The following COL18A1 variants were observed in gnomAD, a reference collection of about 807,000 sequenced individuals.
The protein encoded by COL18A1 is collagen type XVIII alpha 1 chain.
Under a neutral mutation model 168.0 loss-of-function variants are expected in COL18A1, and 133 were observed. The observed-to-expected ratio is 0.79, with a 90% CI of 0.69 to 0.91. The LOEUF (loss-of-function observed/expected upper bound fraction) is 0.91. Among genes scored for constraint, COL18A1 ranks in the 40% least tolerant of loss-of-function variants. COL18A1 has a pLI of 0.00. For missense variants in COL18A1, 2,126 were observed against 1,925.4 expected, an observed-to-expected ratio of 1.10 and a Z score of -1.95; for synonymous variants, 949 against 809.0, an observed-to-expected ratio of 1.17 and a Z score of -2.94.
intron 32 of COL18A1, among the ~76,000 whole-genome samples, chr21:45,500,765 GGT>G (rs369596042): frequency 3.2e-3 from 11 of 3,428 alleles, no homozygotes; most frequent in Admixed American, 8.4e-3. Flanking sequence ...GGTGTGGTTT[GGT>G]GTGTGTGTGT....
intron 2 of COL18A1, among the ~76,000 whole-genome samples, chr21:45,461,401 C>A (rs185057598): frequency 4.1e-4 from 62 of 152,058 alleles, no homozygotes; most frequent in African/African-American, 1.4e-3. Context: ...AGTGGGGTGG[C>A]AGCTGTGCCC....
At chr21:45,439,493 C>T (rs149165442) in intron 2 of COL18A1, among the ~76,000 whole-genome samples, 3,493 of 152,376 alleles carry the variant, frequency 0.023, 56 homozygotes, top group Middle Eastern at 0.061. Flanking sequence ...AAACCAAGAG[C>T]AAAGTGAACT....
rs1158033492 is a variant in COL18A1 at position 45,507,598 on chromosome 21, G to A, written c.3249+5G>A. On this transcript the variant is annotated splice_donor_5th_base_variant and intron_variant, in intron 38 of 41. Coordinates refer to ENST00000651438, the MANE Select transcript of COL18A1 (RefSeq NM_001379500.1). ...ACACCACTCCCACGAGGGACGGTAA[G>A]GAGCCTTTTTTCTGTTGAGACTGGT... The A allele has an allele frequency of 1.1e-5, 18 of 1,613,050 alleles. No individual in the cohort carries two copies. The Middle Eastern group carries it at 5.0e-4, about 44-fold the overall frequency.
intron 2 of COL18A1, among the ~76,000 whole-genome samples, chr21:45,406,552 A>G (rs1412303610): frequency 6.6e-6 from 1 of 152,148 alleles, no homozygotes; most frequent in African/African-American, 2.4e-5. Flanking sequence ...TAGGGGGTGA[A>G]ACACGGGCGG....
At chr21:45,433,376 T>A (rs2034015861) in intron 2 of COL18A1, among the ~76,000 whole-genome samples, 1 of 152,126 alleles carries the variant, frequency 6.6e-6, no homozygotes, top group Non-Finnish European at 1.5e-5. Context: ...TCCATGAGAG[T>A]GGAGCCCGGG....
At chr21:45,434,085 G>GAT (rs1332904563) in intron 2 of COL18A1, among the ~76,000 whole-genome samples, 33 of 152,290 alleles carry the variant, frequency 2.2e-4, no homozygotes, top group Admixed American at 3.3e-4. Context: ...GCATGGGCCA[G>GAT]GTGTGTGAGC....
In COL18A1 at chr21:45,415,901, G is replaced by T. The variant is rs575863276; in HGVS notation, c.106+10428G>T. Reference sequence around the variant, plus strand: ...TGCCAAGCAGGCCCTCAGCCCTGAGGGTACTTGCCGGGGGCCGGGAGAGTG... The same window carrying T: ...TGCCAAGCAGGCCCTCAGCCCTGAGTGTACTTGCCGGGGGCCGGGAGAGTG... On this transcript the variant is annotated intron_variant, in intron 2 of 41. Transcript: ENST00000651438. Among the ~76,000 whole-genome samples the T allele has an allele frequency of 5.3e-5, 8 of 152,314 alleles. No homozygotes were observed. In the East Asian group the frequency reaches 1.2e-3, roughly 22 times the overall value.
intron 2 of COL18A1, among the ~76,000 whole-genome samples, chr21:45,427,654 T>C (rs1249245928): frequency 6.6e-6 from 1 of 152,204 alleles, no homozygotes; most frequent in South Asian, 2.1e-4. Context: ...GAGGTCTCTG[T>C]GCATGCTTGT....
intron 29 of COL18A1, chr21:45,495,852 C>T (rs2062026762): frequency 3.1e-6 from 1 of 322,780 alleles, no homozygotes; most frequent in South Asian, 2.7e-5. Context: ...TACATACACT[C>T]ATACATGTGC....
intron 38 of COL18A1, among the ~76,000 whole-genome samples, chr21:45,508,820 G>A (rs962054929): frequency 2.0e-5 from 3 of 152,194 alleles, no homozygotes; most frequent in Non-Finnish European, 4.4e-5. Context: ...GCCCTGTGGA[G>A]CAGACAGTGG....
At chr21:45,452,868 A>G (rs907700130) in intron 2 of COL18A1, among the ~76,000 whole-genome samples, 2 of 151,542 alleles carry the variant, frequency 1.3e-5, no homozygotes, top group African/African-American at 2.4e-5. Context: ...GGGCTTGTGT[A>G]TGCATGTGAG....
At chr21:45,413,125 C>T (rs916368482) in intron 2 of COL18A1, among the ~76,000 whole-genome samples, 17 of 152,296 alleles carry the variant, frequency 1.1e-4, no homozygotes, top group South Asian at 4.1e-4. Flanking sequence ...CTAGGGGGGA[C>T]GCCACAGTGG....
At chr21:45,478,448 C>T (rs991445573) in intron 9 of COL18A1, 95 bp downstream of exon 9, 4 of 1,531,992 alleles carry the variant, frequency 2.6e-6, no homozygotes, top group Non-Finnish European at 3.6e-6. Context: ...TAAACGCGAC[C>T]CAGTGAGGAG....
intron 2 of COL18A1, among the ~76,000 whole-genome samples, chr21:45,466,949 A>G (rs1293845231): frequency 1.3e-5 from 2 of 152,120 alleles, no homozygotes; most frequent in African/African-American, 2.4e-5. Context: ...ACTTCTTATG[A>G]GAAAAAGGAT....
chr21:45,416,813 G>A (rs760662580), intron 2 of COL18A1, among the ~76,000 whole-genome samples: 6 of 151,922 alleles, frequency 3.9e-5, no homozygotes, highest in African/African-American at 7.3e-5. Context: ...CAGCCCCAGC[G>A]CCTGCCCCTG....
chr21:45,493,074 G>C, intron 24 of COL18A1, 89 bp from the exon 25 acceptor site: 12 of 1,326,744 alleles, frequency 9.0e-6, no homozygotes, highest in Non-Finnish European at 1.3e-5. Context: ...GGCATATTGC[G>C]GGGGGCAGCT....
At chr21:45,504,176 G>C in intron 33 of COL18A1, 122 bp downstream of exon 33, 1 of 1,188,976 alleles carries the variant, frequency 8.4e-7, no homozygotes, top group Non-Finnish European at 1.2e-6. Flanking sequence ...TGCGAGGGGC[G>C]CTGGCTCCAG....
chr21:45,444,134 G>A (rs571050946), intron 2 of COL18A1, among the ~76,000 whole-genome samples: 5 of 152,274 alleles, frequency 3.3e-5, no homozygotes, highest in African/African-American at 7.2e-5. Flanking sequence ...GTCCCGTGGC[G>A]TCCTCTACCC....
chr21:45,471,464 C>T lies in COL18A1; in HGVS notation c.652-2431C>T, dbSNP rs943229406. The stretch of plus-strand genomic sequence containing the variant: ...AGAGCTTTGGGAGCAGGGAGGAAAC[C>T]GAGGCTTCCTCCTCCTCAGCCTCTC... On this transcript the variant is annotated intron_variant, in intron 3 of 41. Transcript: ENST00000651438. This position sits in a 1 kb window ranked among gnomAD's most constrained non-coding sequence, Gnocchi z 4.4. Among the ~76,000 whole-genome samples, 16 of 152,278 alleles carry T rather than the reference C, an allele frequency of 1.1e-4. No individual in the cohort carries two copies. The highest frequency in any genetic ancestry group is 3.9e-4 in the African/African-American group (16 of 41,558).
Sources: gnomAD v4.1 joint callset for allele counts (sites outside exome capture counted in the v4.1 genomes callset) on GRCh38, gnomAD v4.1.1 for gene constraint, Gnocchi (gnomAD v3.1) non-coding constraint, MANE v1.5 for transcripts, NCBI Gene and HGNC (gene_info 2026-07-23, HGNC 2026-07-21) for gene names.